ANKRD55: variants seen among roughly 807,000 people sequenced by gnomAD.
The protein encoded by ANKRD55 is ankyrin repeat domain 55.
Under a neutral mutation model 60.6 loss-of-function variants are expected in ANKRD55, and 41 were observed. The observed-to-expected ratio is 0.68, with a 90% confidence interval of 0.53 to 0.88. ANKRD55 has a LOEUF of 0.88. ANKRD55 is among the 40% of genes least tolerant of loss of function. The pLI is 0.00. For synonymous variants in ANKRD55, 264 were observed against 290.3 expected, an observed-to-expected ratio of 0.91 and a Z score of 0.92; for missense variants, 732 against 767.6, an observed-to-expected ratio of 0.95 and a Z score of 0.55.
chr5:56,207,105 C>T (rs1449406870), intron 2 of ANKRD55, among the ~76,000 whole-genome samples: 1 of 152,192 alleles, frequency 6.6e-6, no homozygotes, highest in East Asian at 1.9e-4. Flanking sequence ...ATCCTCTCCT[C>T]CCCTTCCCCC....
At chr5:56,113,577 T>G (rs1756802184) in intron 9 of ANKRD55, among the ~76,000 whole-genome samples, 1 of 152,162 alleles carries the variant, frequency 6.6e-6, no homozygotes, top group Admixed American at 6.5e-5. Context: ...ACCATTTTTA[T>G]GCCTTGCAGA....
intron 6 of ANKRD55, among the ~76,000 whole-genome samples, chr5:56,157,420 G>A (rs905022092): frequency 6.6e-6 from 1 of 151,956 alleles, no homozygotes; most frequent in Admixed American, 6.6e-5. Flanking sequence ...CACATGTAAA[G>A]GGTCTGTGCT....
chr5:56,192,220 T>C (rs1403799409), intron 2 of ANKRD55, among the ~76,000 whole-genome samples: 1 of 152,194 alleles, frequency 6.6e-6, no homozygotes, highest in East Asian at 1.9e-4. Context: ...CTCACTGCTT[T>C]AAACAGATAG....
chr5:56,131,903 G>T (rs1359571176), intron 7 of ANKRD55, among the ~76,000 whole-genome samples: 2 of 150,794 alleles, frequency 1.3e-5, no homozygotes, highest in Non-Finnish European at 2.9e-5. Context: ...GCTGAAGAAG[G>T]AATAAGTGAA....
chr5:56,175,024 A>G (rs1463045738), intron 4 of ANKRD55, among the ~76,000 whole-genome samples: 1 of 152,192 alleles, frequency 6.6e-6, no homozygotes, highest in Non-Finnish European at 1.5e-5. Flanking sequence ...TGGCATTTGC[A>G]TTTGAAACAA....
In ANKRD55 at chr5:56,176,188, A is replaced by G; in HGVS notation, c.276T>C (p.Ala92=). 1 of 1,614,180 alleles carries G rather than the reference A, an allele frequency of 6.2e-7. No individual in the cohort carries two copies. The highest frequency in any genetic ancestry group is 8.5e-7 in the Non-Finnish European group (1 of 1,180,036). Residue 92 remains alanine, a synonymous_variant, in exon 4 of 12, where the codon GCT becomes GCC. Transcript: ENST00000341048. ...CCAGGCATAAACTTGTGCGGCCATAAGCATCCTGCATGTTAATATTGGCTC... is the reference window on the plus strand; with the variant it reads ...CCAGGCATAAACTTGTGCGGCCATAGGCATCCTGCATGTTAATATTGGCTC... ...KMGANINMQD[A]YGRTSLCLAT...
At chr5:56,198,935 C>A (rs1436486375) in intron 2 of ANKRD55, among the ~76,000 whole-genome samples, 1 of 151,922 alleles carries the variant, frequency 6.6e-6, no homozygotes, top group Non-Finnish European at 1.5e-5. Context: ...AAAAATTTAG[C>A]CGGGCGTGGT....
intron 6 of ANKRD55, among the ~76,000 whole-genome samples, chr5:56,152,911 G>T (rs1020557894): frequency 2.6e-5 from 4 of 151,856 alleles, no homozygotes; most frequent in Admixed American, 2.6e-4. Context: ...GACATCAAAA[G>T]AAAAAGCAGA....
intron 7 of ANKRD55, among the ~76,000 whole-genome samples, chr5:56,139,256 T>C (rs947219450): frequency 9.9e-5 from 15 of 152,174 alleles, no homozygotes; most frequent in African/African-American, 3.6e-4. Flanking sequence ...TGAATAAATT[T>C]ATTGGAGTGA....
chr5:56,154,929 G>A (rs374128098), intron 6 of ANKRD55, among the ~76,000 whole-genome samples: 8 of 152,114 alleles, frequency 5.3e-5, no homozygotes, highest in African/African-American at 1.9e-4. Flanking sequence ...TCTAGAACTG[G>A]GCTTCATTCC....
intron 8 of ANKRD55, 172 bp from the exon 9 acceptor site, chr5:56,116,954 G>A (rs765815668): frequency 3.8e-4 from 232 of 614,874 alleles, no homozygotes; most frequent in Non-Finnish European, 5.9e-4. Flanking sequence ...TGGTGGACAT[G>A]TGTAGGGGCC....
chr5:56,210,976 T>G (rs896467409), intron 2 of ANKRD55, among the ~76,000 whole-genome samples: 2 of 152,204 alleles, frequency 1.3e-5, no homozygotes, highest in African/African-American at 2.4e-5. Flanking sequence ...GCTCCTCCTG[T>G]AGCCTGTTCA....
At chr5:56,230,106 C>CT (rs916720396) in intron 2 of ANKRD55, among the ~76,000 whole-genome samples, 2 of 151,868 alleles carry the variant, frequency 1.3e-5, no homozygotes, top group East Asian at 1.9e-4. Flanking sequence ...ATTCTTTTTT[C>CT]TTTTTTTTGA....
At chr5:56,183,440 G>T in intron 3 of ANKRD55, 72 bp downstream of exon 3, 1 of 1,576,944 alleles carries the variant, frequency 6.3e-7, no homozygotes, top group Non-Finnish European at 8.6e-7. Context: ...TATTAACATT[G>T]CTCATGTCTG....
intron 3 of ANKRD55, 95 bp downstream of exon 3, chr5:56,183,417 T>G (rs879238943): frequency 2.0e-4 from 303 of 1,487,408 alleles, no homozygotes; most frequent in Middle Eastern, 5.5e-4. Flanking sequence ...AAATGGCTGG[T>G]CAGATATACA....
rs557043565 is a variant in ANKRD55, at chr5:56,189,268, G to T, written c.59-5634C>A. Among the ~76,000 whole-genome samples, 507 of 146,214 alleles carry T rather than the reference G, an allele frequency of 3.5e-3. 2 individuals are homozygous for T. Among genetic ancestry groups the T allele is most frequent in the Non-Finnish European group, 6.2e-3 (421 of 67,366 alleles). On this transcript the variant is annotated intron_variant, in intron 2 of 11. Transcript: ENST00000341048. Reference sequence around the variant, plus strand: ...GGAGCTTGCAGTGAGCCAACATCGCGCCACTGCACTCCAGCCTGGGCAACA... The same window carrying T: ...GGAGCTTGCAGTGAGCCAACATCGCTCCACTGCACTCCAGCCTGGGCAACA...
At chr5:56,206,179 G>T (rs1279734097) in intron 2 of ANKRD55, among the ~76,000 whole-genome samples, 1 of 151,792 alleles carries the variant, frequency 6.6e-6, no homozygotes, top group Non-Finnish European at 1.5e-5. Flanking sequence ...GCTTCACCAT[G>T]TTGGCCAGGC....
At chr5:56,130,215 G>T (rs141456855) in intron 7 of ANKRD55, among the ~76,000 whole-genome samples, 2 of 152,164 alleles carry the variant, frequency 1.3e-5, no homozygotes, top group African/African-American at 4.8e-5. Context: ...AGAGCACTCT[G>T]TTCTTCTTAA....
chr5:56,231,665 A>G (rs201190863), intron 2 of ANKRD55, among the ~76,000 whole-genome samples: 687 of 53,078 alleles, frequency 0.013, 4 homozygotes, highest in African/African-American at 0.052. Context: ...ACACACACAC[A>G]CACACACACA....
Sources: gnomAD v4.1 joint callset for allele counts (sites outside exome capture counted in the v4.1 genomes callset) on GRCh38, gnomAD v4.1.1 for gene constraint, MANE v1.5 for transcripts, NCBI Gene and HGNC (gene_info 2026-07-23, HGNC 2026-07-21) for gene names.